The following CNTN5 variants were observed in gnomAD, a reference collection of about 807,000 sequenced individuals.
CNTN5 encodes the protein contactin-5.
CNTN5 carries 77 observed loss-of-function variants against 129.1 expected under a neutral mutation model. The observed-to-expected ratio is 0.60, with a 90% CI of 0.50 to 0.72. CNTN5 has a LOEUF of 0.72. Ranked by LOEUF, CNTN5 falls within the 30% of genes least tolerant of loss-of-function variation. CNTN5 has a pLI of 0.00. For missense variants in CNTN5, 1,478 were observed against 1,328.8 expected, an observed-to-expected ratio of 1.11 and a Z score of -1.75; for synonymous variants, 509 against 465.6, an observed-to-expected ratio of 1.09 and a Z score of -1.20.
intron 18 of CNTN5, among the ~76,000 whole-genome samples, chr11:100,283,051 A>G (rs543115610): frequency 6.6e-6 from 1 of 152,204 alleles, no homozygotes; most frequent in South Asian, 2.1e-4. Flanking sequence ...GGGATCAGGG[A>G]CCCCAAGAGC....
chr11:99,341,123 A>G (rs1185208784), intron 2 of CNTN5, among the ~76,000 whole-genome samples: 1 of 152,208 alleles, frequency 6.6e-6, no homozygotes, highest in East Asian at 1.9e-4. Context: ...AGATGAAACA[A>G]GAATTCAATA....
intron 6 of CNTN5, among the ~76,000 whole-genome samples, chr11:99,915,081 G>A (rs1949753590): frequency 6.6e-6 from 1 of 151,860 alleles, no homozygotes; most frequent in Admixed American, 6.6e-5. Flanking sequence ...GGAAGAAATG[G>A]CAGAACATTT....
intron 2 of CNTN5, among the ~76,000 whole-genome samples, chr11:99,524,897 C>A (rs934648651): frequency 6.6e-6 from 1 of 152,034 alleles, no homozygotes; most frequent in Non-Finnish European, 1.5e-5. Context: ...CCATCTTTTT[C>A]CCCTAATTTT....
At chr11:99,845,884 A>C (rs1947677563) in intron 6 of CNTN5, among the ~76,000 whole-genome samples, 2 of 152,052 alleles carry the variant, frequency 1.3e-5, no homozygotes, top group Admixed American at 1.3e-4. Context: ...TGATAATCCA[A>C]ATTTCTTTTG....
chr11:99,027,514 A>G (rs953756249), intron 1 of CNTN5, among the ~76,000 whole-genome samples: 1 of 151,676 alleles, frequency 6.6e-6, no homozygotes, highest in African/African-American at 2.4e-5. Context: ...TTTTTCTGTT[A>G]CAATATTAAA....
At chr11:99,277,546 G>T (rs745807092) in intron 1 of CNTN5, among the ~76,000 whole-genome samples, 2 of 151,520 alleles carry the variant, frequency 1.3e-5, no homozygotes, top group Non-Finnish European at 3.0e-5. Context: ...TGACAACATT[G>T]TTTTTTTCTG....
At chr11:100,336,674 A>T (rs530272676) in intron 21 of CNTN5, among the ~76,000 whole-genome samples, 1 of 152,316 alleles carries the variant, frequency 6.6e-6, no homozygotes, top group African/African-American at 2.4e-5. Flanking sequence ...AAATAAAGAG[A>T]AGTTTCAACC....
At chr11:99,446,919 C>A (rs1167626152) in intron 2 of CNTN5, among the ~76,000 whole-genome samples, 2 of 152,140 alleles carry the variant, frequency 1.3e-5, no homozygotes, top group Non-Finnish European at 2.9e-5. Context: ...CAGAATGTCT[C>A]CCCCTATTTT....
chr11:99,186,366 T>C (rs1399663024), intron 1 of CNTN5, among the ~76,000 whole-genome samples: 3 of 151,994 alleles, frequency 2.0e-5, no homozygotes, highest in Admixed American at 2.0e-4. Flanking sequence ...AAAGTTTTTA[T>C]ATCAGCTCTG....
chr11:99,978,872 T>C (rs74538976), intron 8 of CNTN5, among the ~76,000 whole-genome samples: 12,183 of 152,252 alleles, frequency 0.08, 706 homozygotes, highest in South Asian at 0.23. Context: ...ATTGTGATGA[T>C]CATCATCAGA....
chr11:99,744,837 A>G (rs977994810), intron 3 of CNTN5, among the ~76,000 whole-genome samples: 2 of 152,172 alleles, frequency 1.3e-5, no homozygotes, highest in Non-Finnish European at 2.9e-5. Context: ...AGTAAAGCAC[A>G]TACTATGTAG....
chr11:100,041,387 T>C (rs926138304), intron 9 of CNTN5, among the ~76,000 whole-genome samples: 5 of 152,222 alleles, frequency 3.3e-5, no homozygotes, highest in Admixed American at 6.5e-5. Context: ...ACTCTCCCCA[T>C]TGTCAACTCC....
rs1353913191 is a variant in CNTN5 at position 99,289,964 on chromosome 11, T to C, written c.-209-35382T>C. On this transcript the variant is annotated intron_variant, in intron 1 of 24. Coordinates refer to ENST00000524871, the MANE Select transcript of CNTN5 (RefSeq NM_014361.4). ...CTTACATTACTAAGTACTTTTAAAA[T>C]ACAAATGCTTCTCTAATAATCATAT... is the stretch of plus-strand genomic sequence containing the variant. 2.0e-5 allele frequency among the ~76,000 whole-genome samples: 3 copies of C among 151,808 alleles called. 1 individual carries two copies. Among genetic ancestry groups the C allele is most frequent in the Non-Finnish European group, 4.4e-5 (3 of 67,734 alleles).
At chr11:100,090,535 C>CTTCCTTCCTTCT (rs1297460244) in intron 13 of CNTN5, among the ~76,000 whole-genome samples, 1 of 83,058 alleles carries the variant, frequency 1.2e-5, no homozygotes, top group South Asian at 5.7e-4. Context: ...CCCTTCCTTC[C>CTTCCTTCCTTCT]TTCCTTCCTT....
intron 1 of CNTN5, among the ~76,000 whole-genome samples, chr11:99,143,350 T>G: frequency 6.7e-6 from 1 of 148,302 alleles, no homozygotes; most frequent in East Asian, 1.9e-4. Context: ...TGTGTGTATA[T>G]ATGTAAATAT....
intron 2 of CNTN5, among the ~76,000 whole-genome samples, chr11:99,542,210 G>C (rs1218986418): frequency 6.6e-6 from 1 of 151,820 alleles, no homozygotes; most frequent in African/African-American, 2.4e-5. Flanking sequence ...CTCTCTTCTA[G>C]CAATTTATTG....
At chr11:100,276,818 A>G (rs1216046304) in intron 18 of CNTN5, among the ~76,000 whole-genome samples, 1 of 152,090 alleles carries the variant, frequency 6.6e-6, no homozygotes, top group African/African-American at 2.4e-5. Flanking sequence ...AAACAATCCA[A>G]TAATACACTT....
intron 6 of CNTN5, among the ~76,000 whole-genome samples, chr11:99,869,155 C>T (rs1314802694): frequency 6.6e-6 from 1 of 152,102 alleles, no homozygotes; most frequent in Non-Finnish European, 1.5e-5. Flanking sequence ...GGATCATTTC[C>T]TCCGTAGATT....
At chr11:99,576,116 C>T (rs1226833631) in intron 3 of CNTN5, among the ~76,000 whole-genome samples, 1 of 152,120 alleles carries the variant, frequency 6.6e-6, no homozygotes, top group Non-Finnish European at 1.5e-5. Flanking sequence ...AAACAAATAA[C>T]CGCTTTTTCC....
Sources: gnomAD v4.1 joint callset for allele counts (sites outside exome capture counted in the v4.1 genomes callset) on GRCh38, gnomAD v4.1.1 for gene constraint, MANE v1.5 for transcripts, NCBI Gene and HGNC (gene_info 2026-07-23, HGNC 2026-07-21) for gene names.